The following SRBD1 variants were observed in gnomAD, a reference collection of about 807,000 sequenced individuals.
SRBD1 encodes the protein S1 RNA binding domain 1.
SRBD1 carries 88 observed loss-of-function variants against 115.3 expected under a neutral mutation model. The ratio of observed to expected loss-of-function variants is 0.76; its 90% CI spans 0.64 to 0.91. The LOEUF (loss-of-function observed/expected upper bound fraction) is 0.91, where lower values mean the gene tolerates loss of function less well. SRBD1 is among the 40% of genes least tolerant of loss of function. SRBD1 has a pLI of 0.00. For missense variants in SRBD1, 1,385 were observed against 1,177.4 expected, an observed-to-expected ratio of 1.18 and a Z score of -2.58; for synonymous variants, 509 against 407.7, an observed-to-expected ratio of 1.25 and a Z score of -2.99.
At chr2:45,448,317 T>G (rs947032601) in intron 16 of SRBD1, among the ~76,000 whole-genome samples, 1 of 152,128 alleles carries the variant, frequency 6.6e-6, no homozygotes, top group Non-Finnish European at 1.5e-5. Context: ...CTAGATAGAA[T>G]AATATATTTT....
intron 15 of SRBD1, among the ~76,000 whole-genome samples, chr2:45,481,316 G>A (rs62127149): frequency 6.6e-6 from 1 of 152,106 alleles, no homozygotes; most frequent in Non-Finnish European, 1.5e-5. Context: ...TTATTTAGTG[G>A]ACAGTAATAA....
intron 16 of SRBD1, among the ~76,000 whole-genome samples, chr2:45,452,485 T>C (rs2103746486): frequency 6.6e-6 from 1 of 152,116 alleles, no homozygotes; most frequent in African/African-American, 2.4e-5. Flanking sequence ...GTCTTTAACC[T>C]TTCCCAAAGA....
intron 16 of SRBD1, among the ~76,000 whole-genome samples, chr2:45,462,663 T>A (rs1178969944): frequency 4.2e-5 from 6 of 142,166 alleles, no homozygotes; most frequent in Admixed American, 2.8e-4. Context: ...AAAAAAAAAA[T>A]ACAAAAAAAA....
intron 4 of SRBD1, among the ~76,000 whole-genome samples, chr2:45,586,517 C>A (rs10176388): frequency 0.01 from 1,577 of 152,110 alleles, 15 homozygotes; most frequent in Non-Finnish European, 0.016. Flanking sequence ...TGCACAAATA[C>A]AACATCTTCA....
At chr2:45,445,550 T>TAAAAAAAAAAAAAAAAAAAA (rs59451865) in intron 16 of SRBD1, among the ~76,000 whole-genome samples, 1 of 37,026 alleles carries the variant, frequency 2.7e-5, no homozygotes, top group African/African-American at 7.5e-5. Flanking sequence ...TTCCCAGAGG[T>TAAAAAAAAAAAAAAAAAAAA]AAAAAAAAAA....
intron 11 of SRBD1, 38 bp from the exon 12 acceptor site, chr2:45,551,320 C>G (rs3755081): frequency 1.3e-6 from 2 of 1,562,692 alleles, no homozygotes; most frequent in Non-Finnish European, 1.7e-6. Context: ...TTTTCATTCA[C>G]CCAAATTTTC....
chr2:45,452,341 C>T (rs757327765), intron 16 of SRBD1, among the ~76,000 whole-genome samples: 13 of 151,928 alleles, frequency 8.6e-5, no homozygotes, highest in Non-Finnish European at 1.8e-4. Context: ...TGGTTTCACA[C>T]GCCTACTTTT....
intron 6 of SRBD1, among the ~76,000 whole-genome samples, chr2:45,580,832 C>A (rs1003729496): frequency 1.3e-5 from 2 of 151,018 alleles, no homozygotes; most frequent in African/African-American, 4.9e-5. Context: ...TTACAGGCAC[C>A]CGCCACCACG....
intron 10 of SRBD1, among the ~76,000 whole-genome samples, chr2:45,556,964 G>A (rs1206550725): frequency 1.3e-5 from 2 of 152,064 alleles, no homozygotes; most frequent in Non-Finnish European, 2.9e-5. Flanking sequence ...GGAATCCAAT[G>A]TCAAGAAAGA....
intron 14 of SRBD1, among the ~76,000 whole-genome samples, chr2:45,505,839 C>T (rs1191932740): frequency 5.3e-5 from 8 of 152,156 alleles, no homozygotes; most frequent in African/African-American, 1.9e-4. Context: ...AAAACCTGAT[C>T]TCTGGACTGT....
At chr2:45,496,538 G>A (rs1280957602) in intron 14 of SRBD1, among the ~76,000 whole-genome samples, 5 of 152,082 alleles carry the variant, frequency 3.3e-5, no homozygotes, top group Admixed American at 1.3e-4. Flanking sequence ...GCAACAAACA[G>A]CCCAGTTCTT....
chr2:45,449,891 A>G (rs753531634), intron 16 of SRBD1, among the ~76,000 whole-genome samples: 2 of 152,014 alleles, frequency 1.3e-5, no homozygotes, highest in Non-Finnish European at 2.9e-5. Context: ...CCAGTGCTTC[A>G]TAAGGGTGAT....
chr2:45,515,625 C>T (rs1671096156), intron 14 of SRBD1, among the ~76,000 whole-genome samples: 2 of 152,074 alleles, frequency 1.3e-5, no homozygotes, highest in African/African-American at 4.8e-5. Flanking sequence ...ATATTACCTC[C>T]TAAGGAGGCA....
chr2:45,604,557 T>C (rs994248787), intron 2 of SRBD1, among the ~76,000 whole-genome samples: 1 of 152,196 alleles, frequency 6.6e-6, no homozygotes, highest in African/African-American at 2.4e-5. Context: ...GTCTCTAGAC[T>C]GGCCACACTG....
rs116361179 is a variant in SRBD1, at chr2:45,427,249, T to C, written c.2050-7355A>G. ...CTTCATGAAGTGTACACAGTATCAA[T>C]AGCCGAATCGATCAGGTGGAAGAAA... On this transcript the variant is annotated intron_variant, in intron 16 of 20. Coordinates refer to ENST00000263736, the MANE Select transcript of SRBD1 (RefSeq NM_018079.5). 3.1e-3 allele frequency among the ~76,000 whole-genome samples: 478 copies of C among 151,904 alleles called. 7 individuals carry two copies. Among genetic ancestry groups the C allele is most frequent in the African/African-American group, 0.011 (456 of 41,412 alleles).
intron 19 of SRBD1, among the ~76,000 whole-genome samples, chr2:45,410,550 C>T (rs189515066): frequency 1.3e-5 from 2 of 152,172 alleles, no homozygotes; most frequent in African/African-American, 2.4e-5. Context: ...CTCCTAAAAC[C>T]TTTGGAATCT....
chr2:45,581,917 A>T (rs1673377910), intron 5 of SRBD1, 107 bp from the exon 6 acceptor site: 1 of 804,432 alleles, frequency 1.2e-6, no homozygotes, highest in African/African-American at 1.8e-5. Context: ...AAGGAACTTT[A>T]TTGTCTCTGA....
At chr2:45,498,470 T>C (rs1330053798) in intron 14 of SRBD1, among the ~76,000 whole-genome samples, 1 of 152,208 alleles carries the variant, frequency 6.6e-6, no homozygotes, top group Non-Finnish European at 1.5e-5. Context: ...TTGATATCTG[T>C]ATATAATCTG....
At chr2:45,535,508 T>A (rs1024074335) in intron 14 of SRBD1, among the ~76,000 whole-genome samples, 4 of 151,968 alleles carry the variant, frequency 2.6e-5, no homozygotes, top group Admixed American at 1.3e-4. Context: ...ATTTTCCCTC[T>A]GGAACAACAA....
Sources: gnomAD v4.1 joint callset for allele counts (sites outside exome capture counted in the v4.1 genomes callset) on GRCh38, gnomAD v4.1.1 for gene constraint, MANE v1.5 for transcripts, NCBI Gene and HGNC (gene_info 2026-07-23, HGNC 2026-07-21) for gene names.